The following ITGB1BP1 variants were observed in gnomAD, a reference collection of about 807,000 sequenced individuals.
ITGB1BP1 encodes integrin beta-1-binding protein 1.
ITGB1BP1 carries 20 observed loss-of-function variants against 28.0 expected under a neutral mutation model. That is an observed-to-expected ratio of 0.71 (90% confidence interval 0.50 to 1.04). The LOEUF (loss-of-function observed/expected upper bound fraction) is 1.04, where lower values mean the gene tolerates loss of function less well. Among genes scored for constraint, ITGB1BP1 ranks in the 50% least tolerant of loss-of-function variants. The probability of loss-of-function intolerance (pLI) is 0.00; values close to 1 mark genes in which losing one functional copy is unlikely to be tolerated. For synonymous variants in ITGB1BP1, 103 were observed against 89.5 expected (o/e 1.15, Z -0.85); for missense variants, 228 against 242.5 (o/e 0.94, Z 0.40).
chr2:9,411,911 G>A (rs1046693606), intron 4 of ITGB1BP1, among the ~76,000 whole-genome samples: 13 of 147,790 alleles, frequency 8.8e-5, no homozygotes, highest in Admixed American at 6.7e-4. Context: ...GCATGGTGGC[G>A]GGCGCCTGTA....
At chr2:9,422,760 G>A (rs1572752251) in intron 1 of ITGB1BP1, 2 of 985,722 alleles carry the variant, frequency 2.0e-6, no homozygotes, top group South Asian at 4.7e-5. Flanking sequence ...GCCATGCACG[G>A]TGCTAGGTGC....
chr2:9,423,244 A>G, intron 1 of ITGB1BP1, 129 bp downstream of exon 1: 1 of 1,140,500 alleles, frequency 8.8e-7, no homozygotes, highest in Non-Finnish European at 1.1e-6. Flanking sequence ...GCCCGAGCCC[A>G]GGCATCCCTC....
chr2:9,405,641 T>C lies in ITGB1BP1; in HGVS notation c.*1193A>G, dbSNP rs1018258820. On this transcript the variant is annotated 3_prime_UTR_variant, in exon 7 of 7. Coordinates refer to ENST00000355346, the MANE Select transcript of ITGB1BP1 (RefSeq NM_004763.5). ...TAAGTTTACTCTTCTTGTTAACTAG[T>C]CATTTGACTGGAAAAAAATAAAATA... 12 of 152,660 alleles carry C rather than the reference T, an allele frequency of 7.9e-5. No individual in the cohort carries two copies. Among genetic ancestry groups the C allele is most frequent in the African/African-American group, 2.9e-4 (12 of 41,476 alleles). 9.5% of individuals were successfully genotyped at this position (152,660 alleles called of 1,614,324 possible). A position where few individuals can be genotyped will look rare whatever the true frequency, so the allele number is the denominator to read the frequency against.
rs1176639277 is a variant in ITGB1BP1, at chr2:9,405,788, G to C, written c.*1046C>G. On this transcript the variant is annotated 3_prime_UTR_variant, in exon 7 of 7. Coordinates refer to ENST00000355346, the MANE Select transcript of ITGB1BP1 (RefSeq NM_004763.5). ...TGGGATCTTTACATACTTTTAGCAT[G>C]AGCGGTAATCTTTTAAGGTTCTCTT... is the stretch of plus-strand genomic sequence containing the variant. 6.6e-6 allele frequency: 1 copy of C among 152,164 alleles called. No homozygotes were observed. Among genetic ancestry groups the C allele is most frequent in the Non-Finnish European group, 1.5e-5 (1 of 68,036 alleles). 9.4% of individuals were successfully genotyped at this position (152,164 alleles called of 1,614,324 possible). A position where few individuals can be genotyped will look rare whatever the true frequency, so the allele number is the denominator to read the frequency against.
chr2:9,411,238 T>C (rs1050578227), intron 4 of ITGB1BP1, among the ~76,000 whole-genome samples: 1 of 152,214 alleles, frequency 6.6e-6, no homozygotes, highest in Non-Finnish European at 1.5e-5. Context: ...TCAATTCTTG[T>C]TGGAAACCTT....
Position 9,412,301 on chromosome 2 carries a change from A to T in ITGB1BP1, c.256T>A (p.Leu86Ile). ...LSEGKGLEGP[L>I]DLINYIDVAQ... ...ACGTCTATATAATTTATCAGGTCTA[A>T]TGGCCCTTCAAGGCCTTTTCCCTCG... The change falls in exon 4 of 7, where the codon TTA becomes ATA. Residue 86 changes from leucine (L) to isoleucine (I), a missense_variant. By Grantham distance (5) the Leu-to-Ile change is conservative (BLOSUM62 2). This residue lies in a region of ITGB1BP1 where 192 missense variants were observed against 181.6 expected (regional missense o/e 1.06). Transcript: ENST00000355346. 6 of 1,612,276 alleles carry T rather than the reference A, an allele frequency of 3.7e-6. No individual in the cohort carries two copies. Among genetic ancestry groups the T allele is most frequent in the Non-Finnish European group, 5.1e-6 (6 of 1,179,142 alleles).
chr2:9,407,405 G>A (rs375404934), intron 6 of ITGB1BP1, 44 bp downstream of exon 6: 1 of 1,610,884 alleles, frequency 6.2e-7, no homozygotes, highest in Admixed American at 1.7e-5. Context: ...CCTGGGTGTT[G>A]CGACTTGATG....
At chr2:9,409,391 G>A (rs1451392538) in intron 4 of ITGB1BP1, among the ~76,000 whole-genome samples, 2 of 152,178 alleles carry the variant, frequency 1.3e-5, no homozygotes, top group African/African-American at 4.8e-5. Context: ...AAGAACCACG[G>A]TATGGGATAA....
chr2:9,420,668 C>T (rs1679712691), intron 1 of ITGB1BP1, among the ~76,000 whole-genome samples: 1 of 152,108 alleles, frequency 6.6e-6, no homozygotes, highest in South Asian at 2.1e-4. Context: ...TGTCCGGGAG[C>T]AGGAGGACAG....
Position 9,415,397 on chromosome 2 carries a change from A to G in ITGB1BP1, c.73-1141T>C, listed in dbSNP as rs948748707. Among the ~76,000 whole-genome samples the G allele has an allele frequency of 6.6e-6, 1 of 151,592 alleles. No individual in the cohort carries two copies. The highest frequency in any genetic ancestry group is 1.5e-5 in the Non-Finnish European group (1 of 67,904). On this transcript the variant is annotated intron_variant, in intron 2 of 6. Coordinates refer to ENST00000355346, the MANE Select transcript of ITGB1BP1 (RefSeq NM_004763.5). This position sits in a 1 kb window ranked among gnomAD's most constrained non-coding sequence, Gnocchi z 4.1. ...TCCATCTCAAAACAAACAAACAAAA[A>G]CACACACACAAAAAAAAACACAACA... is the stretch of plus-strand genomic sequence containing the variant.
chr2:9,414,085 C>T, intron 3 of ITGB1BP1, 93 bp downstream of exon 3: 1 of 1,071,842 alleles, frequency 9.3e-7, no homozygotes, highest in Non-Finnish European at 1.4e-6. Context: ...AAGAAAGCCA[C>T]AAATACTGAA....
chr2:9,422,417 G>A, intron 1 of ITGB1BP1: 4 of 985,566 alleles, frequency 4.1e-6, no homozygotes, highest in Non-Finnish European at 4.8e-6. Context: ...GATGCTCCAC[G>A]CGCCCCTGCT....
At chr2:9,409,198 A>G (rs1043335637) in intron 4 of ITGB1BP1, among the ~76,000 whole-genome samples, 5 of 152,350 alleles carry the variant, frequency 3.3e-5, no homozygotes, top group African/African-American at 1.2e-4. Flanking sequence ...CGTCTTCCCT[A>G]ACGTAAGACG....
intron 3 of ITGB1BP1, among the ~76,000 whole-genome samples, chr2:9,413,935 T>A (rs1054720058): frequency 1.3e-5 from 2 of 152,194 alleles, no homozygotes; most frequent in African/African-American, 4.8e-5. Context: ...AAAACTATTT[T>A]GAAACTTCCA....
chr2:9,409,834 G>A (rs1048913120), intron 4 of ITGB1BP1, among the ~76,000 whole-genome samples: 4 of 148,054 alleles, frequency 2.7e-5, no homozygotes, highest in African/African-American at 4.9e-5. Context: ...CCAAACTACC[G>A]TGAGTTCTTT....
intron 3 of ITGB1BP1, chr2:9,412,720 AC>A (rs1373118254): frequency 5.5e-6 from 1 of 182,562 alleles, no homozygotes; most frequent in East Asian, 1.5e-4. Flanking sequence ...CATGGTATTT[AC>A]TTTTGGTTCT....
chr2:9,408,861 T>C (rs1405373164), intron 4 of ITGB1BP1, among the ~76,000 whole-genome samples: 2 of 152,186 alleles, frequency 1.3e-5, no homozygotes, highest in Non-Finnish European at 2.9e-5. Context: ...TAATCCTAAT[T>C]ACACACTGAG....
intron 1 of ITGB1BP1, among the ~76,000 whole-genome samples, chr2:9,422,318 C>T (rs1390413676): frequency 1.3e-5 from 2 of 152,250 alleles, no homozygotes; most frequent in Non-Finnish European, 2.9e-5. Flanking sequence ...CAGGACCCAG[C>T]TCCTAATCAC....
intron 4 of ITGB1BP1, among the ~76,000 whole-genome samples, chr2:9,409,317 G>A (rs895678548): frequency 1.3e-5 from 2 of 152,084 alleles, no homozygotes; most frequent in Non-Finnish European, 2.9e-5. Context: ...TTACTTCTTG[G>A]GTCCTCACAA....
Sources: allele counts gnomAD v4.1 joint callset (sites outside exome capture counted in the v4.1 genomes callset), GRCh38; gene constraint gnomAD v4.1.1; regional missense constraint gnomAD v4.1.1; non-coding constraint Gnocchi (gnomAD v3.1); transcripts MANE v1.5; gene names NCBI Gene and HGNC (gene_info 2026-07-23, HGNC 2026-07-21).